Variants in RFTN1 observed in about 807,000 individuals in gnomAD.
RFTN1 encodes raftlin, lipid raft linker 1.
A neutral mutation model predicts 46.5 loss-of-function variants in RFTN1; 26 were observed. That is an observed-to-expected ratio of 0.56 (90% CI 0.41 to 0.78). The LOEUF (loss-of-function observed/expected upper bound fraction) is 0.78. Among genes scored for constraint, RFTN1 ranks in the 30% least tolerant of loss-of-function variants. The pLI is 0.00. For synonymous variants in RFTN1, 261 were observed against 284.2 expected (o/e 0.92, Z 0.82); for missense variants, 693 against 718.7 (o/e 0.96, Z 0.41).
chr3:16,469,539 C>A (rs531941761), intron 2 of RFTN1, among the ~76,000 whole-genome samples: 1 of 152,274 alleles, frequency 6.6e-6, no homozygotes, highest in African/African-American at 2.4e-5. Flanking sequence ...TCCACAGATG[C>A]CTGGTGCAGG....
intron 6 of RFTN1, among the ~76,000 whole-genome samples, chr3:16,359,646 T>C (rs571169883): frequency 6.3e-4 from 96 of 152,324 alleles, no homozygotes; most frequent in Non-Finnish European, 1.1e-3. Flanking sequence ...ACCTTGACCA[T>C]GGACTTCTAT....
At position 16,457,973 on chromosome 3, in the gene RFTN1, C is replaced by T. The variant is rs1191140882; in HGVS notation, c.146-23936G>A. Among the ~76,000 whole-genome samples, 2 of 152,154 alleles carry T rather than the reference C, an allele frequency of 1.3e-5. No individual in the cohort carries two copies. The highest frequency in any genetic ancestry group is 4.8e-5 in the African/African-American group (2 of 41,428). ...TGCCTTCCACCATGTGAGGACACAG[C>T]ATTCCACCCCTCTGGAGGATGCAAA... On this transcript the variant is annotated intron_variant, in intron 2 of 9. Coordinates refer to ENST00000334133, the MANE Select transcript of RFTN1 (RefSeq NM_015150.2). The surrounding 1 kb of genome is among the most constrained non-coding windows in gnomAD (Gnocchi z 4.2).
Position 16,370,623 on chromosome 3 carries a change from T to C in RFTN1, c.827-344A>G, listed in dbSNP as rs2073456754. Among the ~76,000 whole-genome samples, 1 of 152,152 alleles carries C rather than the reference T, an allele frequency of 6.6e-6. No individual in the cohort carries two copies. The highest frequency in any genetic ancestry group is 6.5e-5 in the Admixed American group (1 of 15,268). The stretch of plus-strand genomic sequence containing the variant: ...TCTAGAAATTCATACAAAGATGTGT[T>C]TTAGAAATAAAAGCAGACATACTTG... On this transcript the variant is annotated intron_variant, in intron 5 of 9. Coordinates refer to ENST00000334133, the MANE Select transcript of RFTN1 (RefSeq NM_015150.2). The surrounding 1 kb of genome is among the most constrained non-coding windows in gnomAD (Gnocchi z 5.5).
rs1351336354 is a variant in RFTN1, at chr3:16,410,750, G to A, written c.333-1267C>T. On this transcript the variant is annotated intron_variant, in intron 3 of 9. Coordinates refer to ENST00000334133, the MANE Select transcript of RFTN1 (RefSeq NM_015150.2). This position sits in a 1 kb window ranked among gnomAD's most constrained non-coding sequence, Gnocchi z 4.6. ...CTGCACACAGGGGCTGCTTTCCAAA[G>A]CACCACCACATAGACATCCCTGTGA... Among the ~76,000 whole-genome samples, 1 of 152,168 alleles carries A rather than the reference G, an allele frequency of 6.6e-6. No individual in the cohort carries two copies. The highest frequency in any genetic ancestry group is 6.5e-5 in the Admixed American group (1 of 15,284).
chr3:16,444,876 A>T (rs183949639), intron 2 of RFTN1, among the ~76,000 whole-genome samples: 1 of 152,214 alleles, frequency 6.6e-6, no homozygotes, highest in African/African-American at 2.4e-5. Flanking sequence ...GTAAGTCATC[A>T]TCTTATTTGT....
intron 1 of RFTN1, among the ~76,000 whole-genome samples, chr3:16,502,294 G>A (rs1321628044): frequency 6.6e-6 from 1 of 151,542 alleles, no homozygotes; most frequent in Non-Finnish European, 1.5e-5. Flanking sequence ...CTAGGATGTT[G>A]AGGCTGCAGT....
At chr3:16,508,694 ACG>A (rs57822813) in intron 1 of RFTN1, among the ~76,000 whole-genome samples, 6,424 of 105,238 alleles carry the variant, frequency 0.061, 200 homozygotes, top group African/African-American at 0.14. Flanking sequence ...GATCACACGC[ACG>A]CACACACACA....
intron 4 of RFTN1, among the ~76,000 whole-genome samples, chr3:16,389,237 G>A (rs1043977488): frequency 6.6e-6 from 1 of 152,264 alleles, no homozygotes; most frequent in Admixed American, 6.5e-5. Context: ...TGATTCCCAC[G>A]ACTCCAGACC....
chr3:16,334,483 A>G lies in RFTN1; in HGVS notation c.1147-7607T>C, dbSNP rs542884807. Among the ~76,000 whole-genome samples the G allele has an allele frequency of 1.3e-5, 2 of 152,342 alleles. No homozygotes were observed. Among genetic ancestry groups the G allele is most frequent in the East Asian group, 3.9e-4 (2 of 5,184 alleles). On this transcript the variant is annotated intron_variant, in intron 7 of 9. Transcript: ENST00000334133. The surrounding 1 kb of genome is among the most constrained non-coding windows in gnomAD (Gnocchi z 4.3). ...CTGGAGAGCGGTCTGCAGTAGCAAG[A>G]CACTGGAAACTACTCAAGTGCCCAT...
In RFTN1 at chr3:16,336,663, ATTT is replaced by A. The variant is rs79463850; in HGVS notation, c.1147-9790_1147-9788del. Among the ~76,000 whole-genome samples the A allele has an allele frequency of 6.7e-6, 1 of 149,588 alleles. No individual in the cohort carries two copies. Among genetic ancestry groups the A allele is most frequent in the Non-Finnish European group, 1.5e-5 (1 of 67,218 alleles). ...GCTTTCATAATGTTCAAAGAGAATA[ATTT>A]TTTTTTTTTAAAAAAGCTTAGTTCT... On this transcript the variant is annotated intron_variant, in intron 7 of 9. Transcript: ENST00000334133. The surrounding 1 kb of genome is among the most constrained non-coding windows in gnomAD (Gnocchi z 6.0).
At position 16,484,295 on chromosome 3, in the gene RFTN1, C is replaced by G. The variant is rs1292417202; in HGVS notation, c.145+9430G>C. On this transcript the variant is annotated intron_variant, in intron 2 of 9. Coordinates refer to ENST00000334133, the MANE Select transcript of RFTN1 (RefSeq NM_015150.2). The surrounding 1 kb of genome is among the most constrained non-coding windows in gnomAD (Gnocchi z 4.6). ...TAGTTGTGTGTCAGACTAACACCCC[C>G]CAGACTGGAGGTCAAAGAAAAACTG... Among the ~76,000 whole-genome samples the G allele has an allele frequency of 6.6e-6, 1 of 152,166 alleles. No individual in the cohort carries two copies. The highest frequency in any genetic ancestry group is 1.9e-4 in the East Asian group (1 of 5,200).
chr3:16,455,404 A>G (rs1035697232), intron 2 of RFTN1, among the ~76,000 whole-genome samples: 15 of 152,058 alleles, frequency 9.9e-5, no homozygotes, highest in African/African-American at 2.9e-4. Flanking sequence ...CTGGGAAGAG[A>G]CTCCAAAAAC....
intron 4 of RFTN1, among the ~76,000 whole-genome samples, chr3:16,399,845 C>A (rs1033923938): frequency 2.0e-5 from 3 of 152,190 alleles, no homozygotes; most frequent in African/African-American, 7.2e-5. Flanking sequence ...CTCCACGGTG[C>A]CTCGTTACCC....
rs1181224384 is a variant in RFTN1, at chr3:16,458,217, C to T, written c.146-24180G>A. 6.6e-6 allele frequency among the ~76,000 whole-genome samples: 1 copy of T among 152,052 alleles called. No homozygotes were observed. Among genetic ancestry groups the T allele is most frequent in the Non-Finnish European group, 1.5e-5 (1 of 68,022 alleles). Reference sequence around the variant, plus strand: ...TATGTGCCATGCTTGTGTTAGGTACCAGGAAGATAAAAGGAAACAAGATGA... The same window carrying T: ...TATGTGCCATGCTTGTGTTAGGTACTAGGAAGATAAAAGGAAACAAGATGA... On this transcript the variant is annotated intron_variant, in intron 2 of 9. Coordinates refer to ENST00000334133, the MANE Select transcript of RFTN1 (RefSeq NM_015150.2). The surrounding 1 kb of genome is among the most constrained non-coding windows in gnomAD (Gnocchi z 5.1).
In RFTN1 at chr3:16,440,631, C is replaced by T. The variant is rs545893299; in HGVS notation, c.146-6594G>A. Among the ~76,000 whole-genome samples, 1 of 151,890 alleles carries T rather than the reference C, an allele frequency of 6.6e-6. No individual in the cohort carries two copies. The highest frequency in any genetic ancestry group is 2.1e-4 in the South Asian group (1 of 4,802). Reference sequence around the variant, plus strand: ...AAACAAGAGACATGAGCCAGGGGGACAGCAATGAACACCGAGGCCCCATCT... The same window carrying T: ...AAACAAGAGACATGAGCCAGGGGGATAGCAATGAACACCGAGGCCCCATCT... On this transcript the variant is annotated intron_variant, in intron 2 of 9. Coordinates refer to ENST00000334133, the MANE Select transcript of RFTN1 (RefSeq NM_015150.2). This position sits in a 1 kb window ranked among gnomAD's most constrained non-coding sequence, Gnocchi z 4.6.
In RFTN1 at chr3:16,475,137, A is replaced by T. The variant is rs1365044408; in HGVS notation, c.145+18588T>A. Among the ~76,000 whole-genome samples, 2 of 152,164 alleles carry T rather than the reference A, an allele frequency of 1.3e-5. No homozygotes were observed. Among genetic ancestry groups the T allele is most frequent in the Non-Finnish European group, 2.9e-5 (2 of 68,028 alleles). ...TGCTTCCTCTCTCACCATGTGACAC[A>T]CCAGCTCCCCTTCCACTTGCACAAT... On this transcript the variant is annotated intron_variant, in intron 2 of 9. Transcript: ENST00000334133. This position sits in a 1 kb window ranked among gnomAD's most constrained non-coding sequence, Gnocchi z 4.2.
rs1034745390 is a variant in RFTN1, at chr3:16,480,210, A to T, written c.145+13515T>A. Reference sequence around the variant, plus strand: ...AGCTTGCCAGCTCCCTTGGGAATATATTATTATACCTATCTTGTGTCAAAG... The same window carrying T: ...AGCTTGCCAGCTCCCTTGGGAATATTTTATTATACCTATCTTGTGTCAAAG... On this transcript the variant is annotated intron_variant, in intron 2 of 9. Transcript: ENST00000334133. The surrounding 1 kb of genome is among the most constrained non-coding windows in gnomAD (Gnocchi z 4.3). 6.6e-6 allele frequency among the ~76,000 whole-genome samples: 1 copy of T among 152,216 alleles called. No individual in the cohort carries two copies. Among genetic ancestry groups the T allele is most frequent in the African/African-American group, 2.4e-5 (1 of 41,452 alleles).
Position 16,381,807 on chromosome 3 carries a change from AGACAT to A in RFTN1, c.442-3710_442-3706del, listed in dbSNP as rs901355845. On this transcript the variant is annotated intron_variant, in intron 4 of 9. Coordinates refer to ENST00000334133, the MANE Select transcript of RFTN1 (RefSeq NM_015150.2). The surrounding 1 kb of genome is among the most constrained non-coding windows in gnomAD (Gnocchi z 4.2). ...AGGAGCCCAGAAATGAAGCTTGACT[AGACAT>A]GACAAGGACCGGATCACATATGGCC... Among the ~76,000 whole-genome samples the A allele has an allele frequency of 1.3e-5, 2 of 152,304 alleles. No individual in the cohort carries two copies. Among genetic ancestry groups the A allele is most frequent in the African/African-American group, 4.8e-5 (2 of 41,570 alleles).
chr3:16,474,012 AACG>A lies in RFTN1; in HGVS notation c.145+19710_145+19712del, dbSNP rs1201094270. Among the ~76,000 whole-genome samples, 1 of 152,218 alleles carries A rather than the reference AACG, an allele frequency of 6.6e-6. No homozygotes were observed. Among genetic ancestry groups the A allele is most frequent in the Non-Finnish European group, 1.5e-5 (1 of 68,032 alleles). ...CCTTGGAGAGGGATTGATTAGGACAAACGCCCTCATTTTGCAGATGAAGGAATG... is the reference window on the plus strand; with the variant it reads ...CCTTGGAGAGGGATTGATTAGGACAACCCTCATTTTGCAGATGAAGGAATG... On this transcript the variant is annotated intron_variant, in intron 2 of 9. Coordinates refer to ENST00000334133, the MANE Select transcript of RFTN1 (RefSeq NM_015150.2). This position sits in a 1 kb window ranked among gnomAD's most constrained non-coding sequence, Gnocchi z 5.5.
Sources: gnomAD v4.1 joint callset for allele counts (sites outside exome capture counted in the v4.1 genomes callset) on GRCh38, gnomAD v4.1.1 for gene constraint, Gnocchi (gnomAD v3.1) non-coding constraint, MANE v1.5 for transcripts, NCBI Gene and HGNC (gene_info 2026-07-23, HGNC 2026-07-21) for gene names.